Variants in GRIN2B observed in about 807,000 individuals in gnomAD.
The protein encoded by GRIN2B is glutamate ionotropic receptor NMDA type subunit 2B.
GRIN2B carries 5 observed loss-of-function variants against 114.5 expected under a neutral mutation model. That is an observed-to-expected ratio of 0.04 (90% CI 0.02 to 0.09). The LOEUF (loss-of-function observed/expected upper bound fraction) is 0.09, where lower values mean the gene tolerates loss of function less well. Ranked by LOEUF, GRIN2B falls within the 10% of genes least tolerant of loss-of-function variation. GRIN2B has a pLI of 1.00. For missense variants in GRIN2B, 1,108 were observed against 1,943.5 expected (o/e 0.57, Z 8.08); for synonymous variants, 787 against 745.1 (o/e 1.06, Z -0.92).
intron 3 of GRIN2B, among the ~76,000 whole-genome samples, chr12:13,806,567 G>C (rs138097294): frequency 1.3e-5 from 2 of 152,074 alleles, no homozygotes; most frequent in East Asian, 3.9e-4. Context: ...TTTAAGTCAG[G>C]TTATTAGTTT....
chr12:13,656,559 T>C lies in GRIN2B; in HGVS notation c.1125+19186A>G, dbSNP rs998090814. Among the ~76,000 whole-genome samples, 13 of 152,192 alleles carry C rather than the reference T, an allele frequency of 8.5e-5. No homozygotes were observed. The South Asian group carries it at 2.3e-3, about 27-fold the overall frequency. On this transcript the variant is annotated intron_variant, in intron 5 of 13. Transcript: ENST00000609686. ...TCTGAAGAAATCTGCTCTAGGTTGT[T>C]ATTACTGAGAATTTTACTAAATTTT...
intron 2 of GRIN2B, among the ~76,000 whole-genome samples, chr12:13,888,781 G>A (rs576311617): frequency 1.8e-4 from 18 of 97,792 alleles, no homozygotes; most frequent in Admixed American, 1.7e-3. Context: ...TTTTTAAAAC[G>A]GTATAAAAGA....
chr12:13,798,101 A>G (rs1046866889), intron 3 of GRIN2B, among the ~76,000 whole-genome samples: 1 of 152,232 alleles, frequency 6.6e-6, no homozygotes, highest in Non-Finnish European at 1.5e-5. Context: ...CATATTTTGA[A>G]TAGCAAAACT....
chr12:13,636,702 T>C (rs1949669126), intron 5 of GRIN2B, among the ~76,000 whole-genome samples: 1 of 152,176 alleles, frequency 6.6e-6, no homozygotes, highest in African/African-American at 2.4e-5. Flanking sequence ...AGACAGATCC[T>C]GGGCAGAACA....
chr12:13,924,785 A>G (rs1866887207), intron 2 of GRIN2B, among the ~76,000 whole-genome samples: 1 of 152,156 alleles, frequency 6.6e-6, no homozygotes, highest in Non-Finnish European at 1.5e-5. Flanking sequence ...CAAAGTGTGT[A>G]ATTTTTTAAC....
At chr12:13,973,058 G>A (rs1018134420) in intron 2 of GRIN2B, among the ~76,000 whole-genome samples, 3 of 152,088 alleles carry the variant, frequency 2.0e-5, no homozygotes, top group East Asian at 1.9e-4. Context: ...TAAGAATGTC[G>A]GCCATTTTCA....
chr12:13,707,856 T>C (rs1351773776), intron 4 of GRIN2B, among the ~76,000 whole-genome samples: 1 of 152,134 alleles, frequency 6.6e-6, no homozygotes, highest in African/African-American at 2.4e-5. Context: ...TGAGAATTTG[T>C]AACACGTAAA....
At chr12:13,803,119 TG>T in intron 3 of GRIN2B, among the ~76,000 whole-genome samples, 1 of 152,316 alleles carries the variant, frequency 6.6e-6, no homozygotes, top group Middle Eastern at 3.4e-3. Context: ...AATAACATTT[TG>T]TTTTCAGTAG....
intron 10 of GRIN2B, among the ~76,000 whole-genome samples, chr12:13,586,777 A>T (rs544316584): frequency 1.3e-5 from 2 of 152,314 alleles, no homozygotes; most frequent in South Asian, 4.1e-4. Flanking sequence ...TCTTATCTAC[A>T]TTACCCTCTC....
chr12:13,674,316 C>T (rs970344853), intron 5 of GRIN2B, among the ~76,000 whole-genome samples: 1 of 152,076 alleles, frequency 6.6e-6, no homozygotes, highest in Admixed American at 6.5e-5. Context: ...GCTATGACAG[C>T]ACCACTGCAC....
At chr12:13,768,807 G>A (rs2136643635) in intron 3 of GRIN2B, among the ~76,000 whole-genome samples, 1 of 152,298 alleles carries the variant, frequency 6.6e-6, no homozygotes, top group East Asian at 1.9e-4. Flanking sequence ...GGCCAAGGCG[G>A]GAGGATCATG....
intron 5 of GRIN2B, among the ~76,000 whole-genome samples, chr12:13,660,171 TCACTA>T (rs754047374): frequency 3.3e-5 from 5 of 152,152 alleles, no homozygotes; most frequent in Non-Finnish European, 7.3e-5. Flanking sequence ...TCTCATCACT[TCACTA>T]TTCTCTTCCA....
intron 2 of GRIN2B, among the ~76,000 whole-genome samples, chr12:13,929,299 AT>A (rs1866976850): frequency 1.3e-5 from 2 of 152,022 alleles, no homozygotes; most frequent in South Asian, 4.2e-4. Context: ...ACTTGCATAG[AT>A]TCACAGAAAA....
intron 5 of GRIN2B, among the ~76,000 whole-genome samples, chr12:13,662,875 G>A (rs1218993207): frequency 6.6e-6 from 1 of 152,132 alleles, no homozygotes; most frequent in African/African-American, 2.4e-5. Flanking sequence ...TAAAATTAAT[G>A]GCTGGAAAAT....
At chr12:13,941,263 C>T (rs1867245791) in intron 2 of GRIN2B, among the ~76,000 whole-genome samples, 1 of 152,222 alleles carries the variant, frequency 6.6e-6, no homozygotes, top group East Asian at 1.9e-4. Flanking sequence ...CTTTATGTTC[C>T]CACATTGAAC....
chr12:13,803,493 T>C (rs150147782), intron 3 of GRIN2B, among the ~76,000 whole-genome samples: 84 of 152,304 alleles, frequency 5.5e-4, no homozygotes, highest in African/African-American at 2.0e-3. Flanking sequence ...TAAAAGTTAG[T>C]TCTAAAACTC....
intron 4 of GRIN2B, among the ~76,000 whole-genome samples, chr12:13,739,878 C>T (rs555993511): frequency 1.1e-4 from 16 of 152,242 alleles, no homozygotes; most frequent in African/African-American, 2.9e-4. Flanking sequence ...TGAGTAGCAC[C>T]GGGCGTCATG....
rs767526787 is a variant in GRIN2B at position 13,615,072 on chromosome 12, T to C, written c.1654+42A>G. On this transcript the variant is annotated intron_variant, in intron 8 of 13. Coordinates refer to ENST00000609686, the MANE Select transcript of GRIN2B (RefSeq NM_000834.5). The surrounding 1 kb of genome is among the most constrained non-coding windows in gnomAD (Gnocchi z 5.8). ...CTTTTTTCCTTATTTCACTTCCCCA[T>C]CCATACGTCCATTTCCTTCCACCAG... 1 of 1,554,318 alleles carries C rather than the reference T, an allele frequency of 6.4e-7. No individual in the cohort carries two copies. The highest frequency in any genetic ancestry group is 2.2e-5 in the East Asian group (1 of 44,536).
intron 3 of GRIN2B, among the ~76,000 whole-genome samples, chr12:13,812,546 C>T (rs1327629695): frequency 6.6e-6 from 1 of 152,096 alleles, no homozygotes; most frequent in Non-Finnish European, 1.5e-5. Context: ...AATTCTGCTA[C>T]ACTACTTTGC....
Sources: gnomAD v4.1 joint callset for allele counts (sites outside exome capture counted in the v4.1 genomes callset) on GRCh38, gnomAD v4.1.1 for gene constraint, Gnocchi (gnomAD v3.1) non-coding constraint, MANE v1.5 for transcripts, NCBI Gene and HGNC (gene_info 2026-07-23, HGNC 2026-07-21) for gene names.